The following BRSK2 variants were observed in gnomAD, a reference collection of about 807,000 sequenced individuals.
BRSK2 encodes the protein serine/threonine-protein kinase BRSK2.
A neutral mutation model predicts 83.3 loss-of-function variants in BRSK2; 19 were observed. The ratio of observed to expected loss-of-function variants is 0.23; its 90% CI spans 0.16 to 0.33. The LOEUF (loss-of-function observed/expected upper bound fraction) is 0.33, where lower values mean the gene tolerates loss of function less well. Ranked by LOEUF, BRSK2 falls within the 10% of genes least tolerant of loss-of-function variation. The pLI, the probability that BRSK2 is intolerant of heterozygous loss-of-function variation, is 1.00. For synonymous variants in BRSK2, 519 were observed against 435.4 expected (o/e 1.19, Z -2.39); for missense variants, 798 against 1,042.3 (o/e 0.77, Z 3.23).
chr11:1,454,452 C>G lies in BRSK2; in HGVS notation c.1545-33C>G. 1.2e-6 allele frequency: 2 copies of G among 1,611,598 alleles called. No individual in the cohort carries two copies. Among genetic ancestry groups the G allele is most frequent in the East Asian group, 4.5e-5 (2 of 44,848 alleles). On this transcript the variant is annotated intron_variant, in intron 15 of 19. Coordinates refer to ENST00000528841, the MANE Select transcript of BRSK2 (RefSeq NM_001256627.2). The surrounding 1 kb of genome is among the most constrained non-coding windows in gnomAD (Gnocchi z 5.2). ...CAGGGGTGTGGACGGTGCCACACCTCAATCCTCACAGCCTCTGTCTCCCAC... is the reference window on the plus strand; with the variant it reads ...CAGGGGTGTGGACGGTGCCACACCTGAATCCTCACAGCCTCTGTCTCCCAC...
intron 8 of BRSK2, 96 bp downstream of exon 8, chr11:1,443,731 T>G (rs1175889758): frequency 7.9e-6 from 11 of 1,395,026 alleles, no homozygotes; most frequent in African/African-American, 4.4e-5. Flanking sequence ...CCCAGACGTG[T>G]GGGCACCCAG....
At position 1,449,797 on chromosome 11, in the gene BRSK2, C is replaced by T. The variant is rs200368980; in HGVS notation, c.1248C>T (p.Ala416=). The T allele has an allele frequency of 6.2e-7, 1 of 1,612,082 alleles. No individual in the cohort carries two copies. Among genetic ancestry groups the T allele is most frequent in the East Asian group, 2.2e-5 (1 of 44,828 alleles). The change falls in exon 13 of 20, where the codon GCC becomes GCT. Residue 416 remains alanine (A), a synonymous_variant. Transcript: ENST00000528841. ...CCAGGTCTCGGTCCATCAGCGGTGC[C>T]TCCTCAGGCCTTTCCACCAGCCCAC... ...HGQRSRSISG[A]SSGLSTSPLS... is the part of the protein sequence containing the mutation.
chr11:1,417,448 T>C (rs1848207510), intron 1 of BRSK2, among the ~76,000 whole-genome samples: 1 of 152,278 alleles, frequency 6.6e-6, no homozygotes, highest in Admixed American at 6.5e-5. Context: ...TATTATCTTA[T>C]CCTTTTCTGA....
intron 1 of BRSK2, among the ~76,000 whole-genome samples, chr11:1,405,225 T>C (rs887992888): frequency 6.6e-6 from 1 of 152,120 alleles, no homozygotes; most frequent in Non-Finnish European, 1.5e-5. Flanking sequence ...CCTAGCCCTC[T>C]GCCTGGGATC....
chr11:1,449,930 C>T (rs1564868402), intron 13 of BRSK2, 94 bp downstream of exon 13: 1 of 898,054 alleles, frequency 1.1e-6, no homozygotes, highest in Non-Finnish European at 1.8e-6. Context: ...CTCGCGGACC[C>T]TGGGAAGCAG....
In BRSK2 at chr11:1,390,349, A is replaced by G. The variant is rs964581334; in HGVS notation, c.65A>G (p.Glu22Gly). 1 of 1,040,304 alleles carries G rather than the reference A, an allele frequency of 9.6e-7. No individual in the cohort carries two copies. Among genetic ancestry groups the G allele is most frequent in the Non-Finnish European group, 1.2e-6 (1 of 856,592 alleles). 64.4% of individuals were successfully genotyped at this position (1,040,304 alleles called of 1,614,324 possible). A position where few individuals can be genotyped will look rare whatever the true frequency, so the allele number is the denominator to read the frequency against. Residue 22 changes from glutamate to glycine, a missense_variant, in exon 1 of 20, where the codon GAG becomes GGG. Glu to Gly is a moderately conservative substitution (Grantham distance 98, BLOSUM62 -2). Coordinates refer to ENST00000528841, the MANE Select transcript of BRSK2 (RefSeq NM_001256627.2). This position sits in a 1 kb window ranked among gnomAD's most constrained non-coding sequence, Gnocchi z 6.8. ...CAGTATGTTGGGCCCTACCGGCTGG[A>G]GAAGACGCTGGGCAAGGGGCAGACA... ...HAQYVGPYRL[E>G]KTLGKGQTGL...
At chr11:1,399,381 C>T (rs1846326909) in intron 1 of BRSK2, among the ~76,000 whole-genome samples, 1 of 152,198 alleles carries the variant, frequency 6.6e-6, no homozygotes, top group Non-Finnish European at 1.5e-5. Flanking sequence ...AGCCTCAGGA[C>T]AGCCGAGGAG....
chr11:1,450,802 T>C lies in BRSK2; in HGVS notation c.1495+8T>C. The C allele has an allele frequency of 1.3e-6, 2 of 1,587,498 alleles. No individual in the cohort carries two copies. The highest frequency in any genetic ancestry group is 1.1e-5 in the South Asian group (1 of 87,918). ...ACCGCCGGAAACTGCAAGGTGAGTG[T>C]CTGCCCGGAGGCGCCAGAGTGGGGC... On this transcript the variant is annotated splice_region_variant and intron_variant, in intron 14 of 19. Coordinates refer to ENST00000528841, the MANE Select transcript of BRSK2 (RefSeq NM_001256627.2).
intron 3 of BRSK2, among the ~76,000 whole-genome samples, chr11:1,440,308 T>A (rs569018924): frequency 1.3e-5 from 2 of 152,178 alleles, no homozygotes; most frequent in South Asian, 4.1e-4. Context: ...ACACCTCCTG[T>A]TCCCCCCACA....
At position 1,424,594 on chromosome 11, in the gene BRSK2, G is replaced by A. The variant is rs1038763364; in HGVS notation, c.92-11446G>A. 5.3e-5 allele frequency among the ~76,000 whole-genome samples: 8 copies of A among 152,330 alleles called. No individual in the cohort carries two copies. In the South Asian group the frequency reaches 6.2e-4, roughly 12 times the overall value. ...CAGGACCTGGGCTGCTTTGTGCCCC[G>A]GCAGGACGGGACAGCCACACACCTG... On this transcript the variant is annotated intron_variant, in intron 1 of 19. Transcript: ENST00000528841.
chr11:1,452,077 A>G (rs1845878350), intron 15 of BRSK2, among the ~76,000 whole-genome samples: 1 of 152,126 alleles, frequency 6.6e-6, no homozygotes, highest in Non-Finnish European at 1.5e-5. Flanking sequence ...CTGCAGCGTG[A>G]CCCCAGGCCA....
At chr11:1,447,873 C>G (rs1367315485) in intron 12 of BRSK2, 7 of 1,592,480 alleles carry the variant, frequency 4.4e-6, no homozygotes, top group Admixed American at 1.7e-5. Context: ...GGTATACACC[C>G]CGACCACCCG....
chr11:1,425,831 G>A (rs1849149872), intron 1 of BRSK2, among the ~76,000 whole-genome samples: 1 of 152,202 alleles, frequency 6.6e-6, no homozygotes. Context: ...CACTAGATGT[G>A]CACTGTGGAG....
intron 19 of BRSK2, 111 bp downstream of exon 19, chr11:1,459,350 A>T (rs1847110568): frequency 8.0e-7 from 1 of 1,242,876 alleles, no homozygotes; most frequent in Admixed American, 1.7e-5. Flanking sequence ...CCCTGTGTAG[A>T]TGTAGGCACC....
rs1175600984 is a variant in BRSK2 at position 1,447,944 on chromosome 11, G to A, written c.1227-1832G>A. On this transcript the variant is annotated intron_variant, in intron 12 of 19. Transcript: ENST00000528841. The stretch of plus-strand genomic sequence containing the variant: ...CCTCAGGCCGGGCAGGCACATGGGC[G>A]GGTCTGGTGGCGGGCTGGGCTGCAG... 1.2e-5 allele frequency: 17 copies of A among 1,369,764 alleles called. No homozygotes were observed. The Middle Eastern group carries it at 5.4e-4, about 44-fold the overall frequency. 84.9% of individuals were successfully genotyped at this position (1,369,764 alleles called of 1,614,324 possible).
chr11:1,440,526 T>A (rs1030901611), intron 3 of BRSK2, among the ~76,000 whole-genome samples: 2 of 151,714 alleles, frequency 1.3e-5, no homozygotes, highest in African/African-American at 4.9e-5. Context: ...CCCAGAACCA[T>A]CCCTTCACCT....
intron 8 of BRSK2, 128 bp from the exon 9 acceptor site, chr11:1,444,843 C>A: frequency 7.4e-6 from 6 of 811,048 alleles, no homozygotes; most frequent in Non-Finnish European, 1.3e-5. Flanking sequence ...ACCTTCCCCC[C>A]ACTCACTTGC....
Position 1,438,745 on chromosome 11 carries a change from G to T in BRSK2, c.272+354G>T, listed in dbSNP as rs565567826. Among the ~76,000 whole-genome samples the T allele has an allele frequency of 3.9e-5, 6 of 152,244 alleles. No homozygotes were observed. Among genetic ancestry groups the T allele is most frequent in the African/African-American group, 1.2e-4 (5 of 41,554 alleles). Reference sequence around the variant, plus strand: ...GGCCACGCTGAGCCTCCTGGCCTCTGCCCAGGACGTCCCCAGCCCTGGGCA... The same window carrying T: ...GGCCACGCTGAGCCTCCTGGCCTCTTCCCAGGACGTCCCCAGCCCTGGGCA... On this transcript the variant is annotated intron_variant, in intron 3 of 19. Coordinates refer to ENST00000528841, the MANE Select transcript of BRSK2 (RefSeq NM_001256627.2). This position sits in a 1 kb window ranked among gnomAD's most constrained non-coding sequence, Gnocchi z 6.4.
At chr11:1,446,019 TG>T (rs1428895968) in intron 12 of BRSK2, 112 bp downstream of exon 12, 2 of 1,281,888 alleles carry the variant, frequency 1.6e-6, no homozygotes, top group African/African-American at 3.1e-5. Flanking sequence ...GGCCATTGGG[TG>T]GGGCTGTATG....
Sources: gnomAD v4.1 joint callset for allele counts (sites outside exome capture counted in the v4.1 genomes callset) on GRCh38, gnomAD v4.1.1 for gene constraint, Gnocchi (gnomAD v3.1) non-coding constraint, MANE v1.5 for transcripts, NCBI Gene and HGNC (gene_info 2026-07-23, HGNC 2026-07-21) for gene names.